The following COMMD1 variants were observed in gnomAD, a reference collection of about 807,000 sequenced individuals.
COMMD1 encodes the protein COMM domain-containing protein 1.
COMMD1 carries 10 observed loss-of-function variants against 17.2 expected under a neutral mutation model. The observed-to-expected ratio is 0.58, with a 90% CI of 0.36 to 0.99. The LOEUF (loss-of-function observed/expected upper bound fraction) is 0.99, where lower values mean the gene tolerates loss of function less well. Ranked by LOEUF, COMMD1 falls within the 50% of genes least tolerant of loss-of-function variation. COMMD1 has a pLI of 0.01. For missense variants in COMMD1, 270 were observed against 231.8 expected (o/e 1.17, Z -1.07); for synonymous variants, 97 against 91.6 (o/e 1.06, Z -0.34).
At chr2:62,010,426 T>C (rs1042157583) in intron 2 of COMMD1, among the ~76,000 whole-genome samples, 1 of 152,164 alleles carries the variant, frequency 6.6e-6, no homozygotes, top group African/African-American at 2.4e-5. Context: ...TCCTAGTTGA[T>C]CTCATGTAAT....
intron 1 of COMMD1, among the ~76,000 whole-genome samples, chr2:61,990,517 A>G (rs1438173588): frequency 1.3e-5 from 2 of 152,118 alleles, no homozygotes; most frequent in African/African-American, 2.4e-5. Context: ...GTGAGCCCCT[A>G]TGGATTAGTC....
At position 62,131,530 on chromosome 2, in the gene COMMD1, TCCTTTC is replaced by T. The variant is rs1010663208; in HGVS notation, c.463-4284_463-4279del. Among the ~76,000 whole-genome samples the T allele has an allele frequency of 5.0e-4, 76 of 152,182 alleles. 2 individuals carry two copies. The highest frequency in any genetic ancestry group is 4.8e-3 in the South Asian group (23 of 4,808). ...CTTTCTTTTCTTTTCTTTTTCCTTTTCCTTTCCCTTTCCCTTTCCCTTCTTTTCTTG... is the reference window on the plus strand; with the variant it reads ...CTTTCTTTTCTTTTCTTTTTCCTTTTCCTTTCCCTTTCCCTTCTTTTCTTG... On this transcript the variant is annotated intron_variant, in intron 2 of 2. Coordinates refer to ENST00000311832, the MANE Select transcript of COMMD1 (RefSeq NM_152516.4).
chr2:62,059,336 T>G (rs2103935559), intron 2 of COMMD1, among the ~76,000 whole-genome samples: 1 of 151,814 alleles, frequency 6.6e-6, no homozygotes. Context: ...AAAAAAAATT[T>G]TTTTGTTTTT....
At chr2:62,133,909 A>G (rs923864235) in intron 2 of COMMD1, among the ~76,000 whole-genome samples, 3 of 152,044 alleles carry the variant, frequency 2.0e-5, no homozygotes, top group African/African-American at 7.3e-5. Flanking sequence ...CTCCCACCTC[A>G]GCCTTCCAAG....
At chr2:61,933,226 G>A (rs1670515634) in intron 1 of COMMD1, among the ~76,000 whole-genome samples, 1 of 151,672 alleles carries the variant, frequency 6.6e-6, no homozygotes, top group Admixed American at 6.6e-5. Context: ...TCAGCTGCTT[G>A]TATCCACAAT....
At chr2:61,971,029 C>T (rs561284307) in intron 1 of COMMD1, among the ~76,000 whole-genome samples, 325 of 152,290 alleles carry the variant, frequency 2.1e-3, no homozygotes, top group African/African-American at 4.9e-3. Context: ...CCACCTCAGC[C>T]TCCGGAGTAG....
intron 1 of COMMD1, among the ~76,000 whole-genome samples, chr2:61,960,999 C>T (rs1573004658): frequency 6.6e-6 from 1 of 152,304 alleles, no homozygotes; most frequent in South Asian, 2.1e-4. Flanking sequence ...CTCTCTTCTC[C>T]CGGGGGCTGC....
intron 1 of COMMD1, among the ~76,000 whole-genome samples, chr2:61,897,513 C>T (rs910872925): frequency 6.6e-6 from 1 of 152,106 alleles, no homozygotes; most frequent in Non-Finnish European, 1.5e-5. Flanking sequence ...CTTGGGAGGC[C>T]GAGGTGGGTG....
chr2:61,938,280 C>CA (rs36082372), intron 1 of COMMD1, among the ~76,000 whole-genome samples: 17,998 of 127,848 alleles, frequency 0.14, 2,217 homozygotes, highest in African/African-American at 0.34. Flanking sequence ...ATTAAGAGAC[C>CA]AAAAAAAAAA....
chr2:62,025,706 G>C (rs941226773), intron 2 of COMMD1, among the ~76,000 whole-genome samples: 1 of 151,972 alleles, frequency 6.6e-6, no homozygotes, highest in African/African-American at 2.4e-5. Flanking sequence ...TTTTGTTTTT[G>C]GAGTCAGAGT....
At chr2:61,891,832 A>T (rs1360171591) in intron 1 of COMMD1, among the ~76,000 whole-genome samples, 2 of 151,666 alleles carry the variant, frequency 1.3e-5, no homozygotes. Context: ...TTTATTTTTT[A>T]TTTATTTATT....
chr2:62,081,155 TG>T (rs373928328), intron 2 of COMMD1, among the ~76,000 whole-genome samples: 17 of 152,314 alleles, frequency 1.1e-4, no homozygotes, highest in African/African-American at 4.1e-4. Flanking sequence ...TTCAGAAGGT[TG>T]TAATAGTTCA....
chr2:61,969,359 A>G (rs188748783), intron 1 of COMMD1, among the ~76,000 whole-genome samples: 348 of 152,294 alleles, frequency 2.3e-3, no homozygotes, highest in Non-Finnish European at 3.7e-3. Context: ...TCAGGATTAA[A>G]AAAACATTCT....
chr2:61,958,869 G>C (rs924020988), intron 1 of COMMD1, among the ~76,000 whole-genome samples: 1 of 152,024 alleles, frequency 6.6e-6, no homozygotes, highest in Non-Finnish European at 1.5e-5. Flanking sequence ...AGACTTTCTT[G>C]TTGATAGTAC....
chr2:61,982,247 G>C (rs1671974363), intron 1 of COMMD1, among the ~76,000 whole-genome samples: 1 of 152,018 alleles, frequency 6.6e-6, no homozygotes, highest in African/African-American at 2.4e-5. Context: ...AATTTTATTT[G>C]TAGCTGTTGT....
At chr2:62,126,601 CT>C (rs759815185) in intron 2 of COMMD1, among the ~76,000 whole-genome samples, 1 of 152,134 alleles carries the variant, frequency 6.6e-6, no homozygotes, top group African/African-American at 2.4e-5. Context: ...CCTTTGCCCA[CT>C]TTTTAATGGG....
intron 1 of COMMD1, among the ~76,000 whole-genome samples, chr2:61,893,229 A>G (rs1311246769): frequency 6.6e-6 from 1 of 151,930 alleles, no homozygotes; most frequent in Non-Finnish European, 1.5e-5. Context: ...TGTTTCATTA[A>G]GTATATTTTG....
At chr2:62,099,107 G>C (rs1167164738) in intron 2 of COMMD1, among the ~76,000 whole-genome samples, 2 of 152,204 alleles carry the variant, frequency 1.3e-5, no homozygotes, top group Non-Finnish European at 2.9e-5. Context: ...TGAGGCAAGG[G>C]AGTAGGGGAG....
chr2:61,894,496 A>G (rs1269064286), intron 1 of COMMD1, among the ~76,000 whole-genome samples: 1 of 152,010 alleles, frequency 6.6e-6, no homozygotes, highest in Non-Finnish European at 1.5e-5. Context: ...CTACCAATGT[A>G]TGGGTTTACA....
Sources: gnomAD v4.1 joint callset for allele counts (sites outside exome capture counted in the v4.1 genomes callset) on GRCh38, gnomAD v4.1.1 for gene constraint, MANE v1.5 for transcripts, NCBI Gene and HGNC (gene_info 2026-07-23, HGNC 2026-07-21) for gene names.